Variants in ADCY2 observed in about 807,000 individuals in gnomAD.
The protein encoded by ADCY2 is adenylate cyclase type 2.
ADCY2 carries 31 observed loss-of-function variants against 125.2 expected under a neutral mutation model. The ratio of observed to expected loss-of-function variants is 0.25; its 90% confidence interval spans 0.19 to 0.33. The LOEUF is 0.33. Ranked by LOEUF, ADCY2 falls within the 10% of genes least tolerant of loss-of-function variation. The pLI is 1.00. For synonymous variants in ADCY2, 512 were observed against 548.4 expected, an observed-to-expected ratio of 0.93 and a Z score of 0.93; for missense variants, 904 against 1,418.2, an observed-to-expected ratio of 0.64 and a Z score of 5.82.
chr5:7,634,495 A>G (rs904161020), intron 4 of ADCY2, among the ~76,000 whole-genome samples: 5 of 152,144 alleles, frequency 3.3e-5, no homozygotes, highest in Non-Finnish European at 5.9e-5. Context: ...GGATGTGACA[A>G]TTCCCCCCAA....
intron 2 of ADCY2, among the ~76,000 whole-genome samples, chr5:7,504,305 C>G (rs1411141298): frequency 6.6e-6 from 1 of 152,104 alleles, no homozygotes; most frequent in Non-Finnish European, 1.5e-5. Context: ...AACACAAACC[C>G]AAATATCAAA....
At chr5:7,403,365 AT>A (rs1739341587) in intron 1 of ADCY2, among the ~76,000 whole-genome samples, 1 of 152,174 alleles carries the variant, frequency 6.6e-6, no homozygotes, top group Non-Finnish European at 1.5e-5. Flanking sequence ...GTTCAGACAT[AT>A]GGTCAACCTA....
rs75417061 is a variant in ADCY2 at position 7,594,839 on chromosome 5, G to A, written c.571-31328G>A. On this transcript the variant is annotated intron_variant, in intron 3 of 24. Transcript: ENST00000338316. The stretch of plus-strand genomic sequence containing the variant: ...AGCTCTTATGTAAAGAGCTGGCCCC[G>A]TTAGCCTCTTAGACTAACATCATGA... 7.7e-3 allele frequency among the ~76,000 whole-genome samples: 1,180 copies of A among 152,260 alleles called. 14 individuals are homozygous for A. Among genetic ancestry groups the A allele is most frequent in the African/African-American group, 0.026 (1,100 of 41,554 alleles).
intron 16 of ADCY2, among the ~76,000 whole-genome samples, chr5:7,766,271 T>A (rs2126473092): frequency 6.6e-6 from 1 of 152,272 alleles, no homozygotes; most frequent in East Asian, 1.9e-4. Context: ...CTGTATTGAC[T>A]CATTTAATGT....
intron 14 of ADCY2, among the ~76,000 whole-genome samples, chr5:7,730,501 C>T (rs528747048): frequency 1.3e-5 from 2 of 151,822 alleles, no homozygotes; most frequent in South Asian, 4.2e-4. Flanking sequence ...AAAAATTATT[C>T]GTTTCTTCAA....
intron 18 of ADCY2, among the ~76,000 whole-genome samples, chr5:7,780,973 A>C (rs1336540538): frequency 1.3e-5 from 2 of 152,204 alleles, no homozygotes; most frequent in African/African-American, 2.4e-5. Flanking sequence ...GCGGCACGGG[A>C]GCATCTGAGT....
Position 7,828,485 on chromosome 5 carries a change from C to T in ADCY2, c.*1614C>T, listed in dbSNP as rs1229174283. 3 of 152,250 alleles carry T rather than the reference C, an allele frequency of 2.0e-5. No homozygotes were observed. Among genetic ancestry groups the T allele is most frequent in the Admixed American group, 6.5e-5 (1 of 15,284 alleles). The allele number at this position is 152,250 out of a possible 1,614,324, so 9.4% of individuals were successfully genotyped here. On this transcript the variant is annotated 3_prime_UTR_variant, in exon 25 of 25. Transcript: ENST00000338316. ...TGGCAGGTGCCCCGTGGTACATTCA[C>T]AGCACGGGCACAGCTGCTGTGCCAG...
At chr5:7,656,921 C>A (rs981102695) in intron 4 of ADCY2, among the ~76,000 whole-genome samples, 3 of 152,162 alleles carry the variant, frequency 2.0e-5, no homozygotes, top group African/African-American at 7.2e-5. Context: ...GCTTCCGAAT[C>A]GGAAACTTTC....
intron 24 of ADCY2, among the ~76,000 whole-genome samples, chr5:7,821,682 G>A (rs543622171): frequency 1.3e-5 from 2 of 152,366 alleles, no homozygotes; most frequent in South Asian, 2.1e-4. Flanking sequence ...CTGTGCTGGA[G>A]GACTTCAGCT....
intron 15 of ADCY2, among the ~76,000 whole-genome samples, chr5:7,756,684 G>C (rs563408765): frequency 2.6e-4 from 40 of 152,244 alleles, no homozygotes; most frequent in Admixed American, 1.0e-3. Flanking sequence ...GGAGGAGGGA[G>C]GAACGGGGAG....
intron 11 of ADCY2, among the ~76,000 whole-genome samples, chr5:7,713,999 C>T (rs953273656): frequency 3.9e-5 from 6 of 152,102 alleles, no homozygotes; most frequent in East Asian, 1.9e-4. Flanking sequence ...TCTAAGTGAC[C>T]GTTGGGATGA....
At chr5:7,694,334 G>A (rs1235012060) in intron 5 of ADCY2, among the ~76,000 whole-genome samples, 1 of 152,092 alleles carries the variant, frequency 6.6e-6, no homozygotes, top group Non-Finnish European at 1.5e-5. Flanking sequence ...CAGTTCAGTT[G>A]GATCACGGAC....
chr5:7,698,389 TAGTA>T lies in ADCY2; in HGVS notation c.1109+18_1109+21del. The T allele has an allele frequency of 6.2e-7, 1 of 1,613,856 alleles. No homozygotes were observed. The highest frequency in any genetic ancestry group is 1.1e-5 in the South Asian group (1 of 91,064). On this transcript the variant is annotated intron_variant, in intron 7 of 24. Transcript: ENST00000338316. The stretch of plus-strand genomic sequence containing the variant: ...GAAGCCATAAAGTAAGTGGACTGCT[TAGTA>T]AGCATTTTGTTATATGCTTTAAGTT...
intron 10 of ADCY2, among the ~76,000 whole-genome samples, chr5:7,710,319 T>C (rs1241042154): frequency 6.6e-6 from 1 of 152,224 alleles, no homozygotes; most frequent in African/African-American, 2.4e-5. Flanking sequence ...CGGAAGACCA[T>C]GACCCATCAG....
At chr5:7,785,166 C>G (rs138166442) in intron 19 of ADCY2, among the ~76,000 whole-genome samples, 2 of 152,296 alleles carry the variant, frequency 1.3e-5, no homozygotes, top group African/African-American at 4.8e-5. Flanking sequence ...TTGGAACGAA[C>G]CCATGAAGAA....
intron 3 of ADCY2, among the ~76,000 whole-genome samples, chr5:7,586,797 A>T (rs1423909907): frequency 6.6e-6 from 1 of 152,096 alleles, no homozygotes; most frequent in East Asian, 1.9e-4. Flanking sequence ...GACAAAGGCA[A>T]GTGAAGTTCA....
chr5:7,671,137 A>C (rs1739921044), intron 4 of ADCY2, among the ~76,000 whole-genome samples: 1 of 152,192 alleles, frequency 6.6e-6, no homozygotes, highest in Non-Finnish European at 1.5e-5. Flanking sequence ...CAGCATGCCT[A>C]TGTGTATTTT....
intron 2 of ADCY2, among the ~76,000 whole-genome samples, chr5:7,415,136 G>A (rs1232848274): frequency 6.6e-6 from 1 of 152,076 alleles, no homozygotes; most frequent in Non-Finnish European, 1.5e-5. Flanking sequence ...TTGGTGAGAA[G>A]CTTTAAAATC....
rs144476278 is a variant in ADCY2 at position 7,707,139 on chromosome 5, A to G, written c.1268+237A>G. On this transcript the variant is annotated intron_variant, in intron 8 of 24. Transcript: ENST00000338316. ...CTGTGAATATCAGACAGTAAATTAC[A>G]AACTTTTACTTATTTGCAAATGTAT... Among the ~76,000 whole-genome samples, 1,306 of 152,346 alleles carry G rather than the reference A, an allele frequency of 8.6e-3. 12 individuals carry two copies. Among genetic ancestry groups the G allele is most frequent in the South Asian group, 0.039 (189 of 4,832 alleles).
Sources: allele counts gnomAD v4.1 joint callset (sites outside exome capture counted in the v4.1 genomes callset), GRCh38; gene constraint gnomAD v4.1.1; transcripts MANE v1.5; gene names NCBI Gene and HGNC (gene_info 2026-07-23, HGNC 2026-07-21).